Variants in PARD3B observed in about 807,000 individuals in gnomAD.
PARD3B encodes par-3 family cell polarity regulator beta, also known as partitioning defective 3 homolog B.
Under a neutral mutation model 130.2 loss-of-function variants are expected in PARD3B, and 103 were observed. That is an observed-to-expected ratio of 0.79 (90% CI 0.67 to 0.93). The LOEUF is 0.93. Among genes scored for constraint, PARD3B ranks in the 40% least tolerant of loss-of-function variants. The probability of loss-of-function intolerance (pLI) is 0.00; values close to 1 mark genes in which losing one functional copy is unlikely to be tolerated. For missense variants in PARD3B, 1,609 were observed against 1,499.2 expected (o/e 1.07, Z -1.21); for synonymous variants, 583 against 553.2 (o/e 1.05, Z -0.76).
intron 21 of PARD3B, among the ~76,000 whole-genome samples, chr2:205,551,712 A>G (rs1030218605): frequency 1.3e-5 from 2 of 152,080 alleles, no homozygotes; most frequent in Non-Finnish European, 2.9e-5. Flanking sequence ...CCCCATATAC[A>G]CAGTCTGCAC....
intron 1 of PARD3B, among the ~76,000 whole-genome samples, chr2:204,654,561 A>G (rs1056521071): frequency 2.0e-5 from 3 of 152,172 alleles, no homozygotes; most frequent in Admixed American, 6.5e-5. Flanking sequence ...TTCTCATGCC[A>G]TGAGTGATAG....
intron 15 of PARD3B, among the ~76,000 whole-genome samples, chr2:205,213,699 G>A (rs561951225): frequency 1.3e-5 from 2 of 152,152 alleles, no homozygotes; most frequent in South Asian, 2.1e-4. Context: ...CCAGAACATA[G>A]CACCATACGC....
At chr2:204,965,754 T>C (rs1164962756) in intron 3 of PARD3B, among the ~76,000 whole-genome samples, 2 of 152,226 alleles carry the variant, frequency 1.3e-5, no homozygotes, top group African/African-American at 4.8e-5. Context: ...GGGAAATGTT[T>C]TGAAGTTAGT....
chr2:204,714,582 A>G (rs970384032), intron 2 of PARD3B, among the ~76,000 whole-genome samples: 1 of 152,238 alleles, frequency 6.6e-6, no homozygotes, highest in Non-Finnish European at 1.5e-5. Flanking sequence ...ACAAAGAAAG[A>G]AGGAGGAACA....
chr2:205,366,982 A>G lies in PARD3B; in HGVS notation c.2631-34031A>G, dbSNP rs550872149. On this transcript the variant is annotated intron_variant, in intron 18 of 22. Coordinates refer to ENST00000406610, the MANE Select transcript of PARD3B (RefSeq NM_001302769.2). This position sits in a 1 kb window ranked among gnomAD's most constrained non-coding sequence, Gnocchi z 5.0. ...AAACCTGTGCTGAACAGCCCCCAAT[A>G]TCTTTGTCTACCAAGGAGTCTGAAC... is the stretch of plus-strand genomic sequence containing the variant. Among the ~76,000 whole-genome samples the G allele has an allele frequency of 6.6e-6, 1 of 152,304 alleles. No individual in the cohort carries two copies. The highest frequency in any genetic ancestry group is 1.5e-5 in the Non-Finnish European group (1 of 68,026).
rs776265674 is a variant in PARD3B at position 205,142,706 on chromosome 2, C to T, written c.1435-16016C>T. On this transcript the variant is annotated intron_variant, in intron 10 of 22. Transcript: ENST00000406610. The surrounding 1 kb of genome is among the most constrained non-coding windows in gnomAD (Gnocchi z 4.3). ...CAACCTGGTCAACATGGTGAAACCC[C>T]GTCTCTACTAAAAATACAAAAATTA... is the stretch of plus-strand genomic sequence containing the variant. 1.4e-4 allele frequency among the ~76,000 whole-genome samples: 21 copies of T among 151,790 alleles called. No individual in the cohort carries two copies. The highest frequency in any genetic ancestry group is 2.7e-4 in the African/African-American group (11 of 41,308).
intron 2 of PARD3B, among the ~76,000 whole-genome samples, chr2:204,827,482 C>A (rs1170164991): frequency 6.6e-6 from 1 of 152,068 alleles, no homozygotes; most frequent in Non-Finnish European, 1.5e-5. Context: ...GAGATCTGGC[C>A]TTCTCTTTTG....
At chr2:205,026,685 C>G (rs1481382756) in intron 3 of PARD3B, among the ~76,000 whole-genome samples, 1 of 152,156 alleles carries the variant, frequency 6.6e-6, no homozygotes, top group Non-Finnish European at 1.5e-5. Context: ...TCAACACTTC[C>G]TCCAACCCTT....
chr2:204,762,743 TTTTTTC>T (rs869084742), intron 2 of PARD3B, among the ~76,000 whole-genome samples: 1 of 138,248 alleles, frequency 7.2e-6, no homozygotes, highest in African/African-American at 2.5e-5. Flanking sequence ...TTCATCTTTC[TTTTTTC>T]TTTTTCTTTT....
In PARD3B at chr2:205,146,521, G is replaced by C. The variant is rs2033372676; in HGVS notation, c.1435-12201G>C. Among the ~76,000 whole-genome samples the C allele has an allele frequency of 6.6e-6, 1 of 151,692 alleles. No individual in the cohort carries two copies. The highest frequency in any genetic ancestry group is 1.5e-5 in the Non-Finnish European group (1 of 67,940). On this transcript the variant is annotated intron_variant, in intron 10 of 22. Coordinates refer to ENST00000406610, the MANE Select transcript of PARD3B (RefSeq NM_001302769.2). This position sits in a 1 kb window ranked among gnomAD's most constrained non-coding sequence, Gnocchi z 4.3. Reference sequence around the variant, plus strand: ...AAACATTTATCTGGGCGTGGTGGCGGGCGCCTGTAGTCCCAGCTACTCGGG... The same window carrying C: ...AAACATTTATCTGGGCGTGGTGGCGCGCGCCTGTAGTCCCAGCTACTCGGG...
chr2:204,591,662 G>T (rs900715411), intron 1 of PARD3B, among the ~76,000 whole-genome samples: 4 of 152,166 alleles, frequency 2.6e-5, no homozygotes, highest in African/African-American at 9.6e-5. Flanking sequence ...TAAGCAAATG[G>T]TATGTACAAG....
In PARD3B at chr2:205,410,892, C is replaced by T. The variant is rs191027079; in HGVS notation, c.2741+9769C>T. 5.4e-3 allele frequency among the ~76,000 whole-genome samples: 825 copies of T among 152,264 alleles called. 3 individuals are homozygous for T. Among genetic ancestry groups the T allele is most frequent in the Middle Eastern group, 0.01 (3 of 294 alleles). On this transcript the variant is annotated intron_variant, in intron 19 of 22. Coordinates refer to ENST00000406610, the MANE Select transcript of PARD3B (RefSeq NM_001302769.2). ...TATTGTCTTCTGGAATCTTCTCCCCCGTCACCACCCGGCCTCCACCCGCCC... is the reference window on the plus strand; with the variant it reads ...TATTGTCTTCTGGAATCTTCTCCCCTGTCACCACCCGGCCTCCACCCGCCC...
chr2:205,162,936 A>C lies in PARD3B; in HGVS notation c.1620+4029A>C, dbSNP rs185255836. 3.4e-3 allele frequency among the ~76,000 whole-genome samples: 523 copies of C among 152,250 alleles called. 5 individuals are homozygous for C. The highest frequency in any genetic ancestry group is 1.9e-3 in the Non-Finnish European group (128 of 68,006). On this transcript the variant is annotated intron_variant, in intron 11 of 22. Coordinates refer to ENST00000406610, the MANE Select transcript of PARD3B (RefSeq NM_001302769.2). ...TTTTTCTTTGCTTTGCTTTTCATGT[A>C]CCATATTAACTGAAAATTTTTAGTA...
intron 2 of PARD3B, among the ~76,000 whole-genome samples, chr2:204,803,312 G>T (rs2042644208): frequency 6.6e-6 from 1 of 151,714 alleles, no homozygotes; most frequent in South Asian, 2.1e-4. Context: ...GAAATTAAAA[G>T]ACATTAATAA....
At chr2:205,490,220 G>A (rs973855953) in intron 20 of PARD3B, among the ~76,000 whole-genome samples, 23 of 151,838 alleles carry the variant, frequency 1.5e-4, no homozygotes, top group South Asian at 1.0e-3. Flanking sequence ...CCGTTAACTC[G>A]TCATTTAACA....
intron 18 of PARD3B, among the ~76,000 whole-genome samples, chr2:205,383,578 T>C (rs889794433): frequency 2.0e-5 from 3 of 152,146 alleles, no homozygotes; most frequent in African/African-American, 7.2e-5. Context: ...TATATCTGTT[T>C]GGGTTCCCTC....
intron 1 of PARD3B, among the ~76,000 whole-genome samples, chr2:204,672,955 CTG>C (rs1385374869): frequency 1.3e-5 from 2 of 152,160 alleles, no homozygotes; most frequent in Non-Finnish European, 2.9e-5. Context: ...ATGTAAGAGT[CTG>C]TTGTCAAGAA....
intron 20 of PARD3B, among the ~76,000 whole-genome samples, chr2:205,450,627 C>T (rs2048067211): frequency 6.6e-6 from 1 of 151,862 alleles, no homozygotes; most frequent in South Asian, 2.1e-4. Flanking sequence ...GCGCCTGCCA[C>T]CACATCCGGC....
chr2:205,219,611 C>T (rs1456372759), intron 15 of PARD3B, among the ~76,000 whole-genome samples: 1 of 152,092 alleles, frequency 6.6e-6, no homozygotes, highest in African/African-American at 2.4e-5. Context: ...AGCAGCTATA[C>T]AATCCCCAGC....
Sources: gnomAD v4.1 joint callset for allele counts (sites outside exome capture counted in the v4.1 genomes callset) on GRCh38, gnomAD v4.1.1 for gene constraint, Gnocchi (gnomAD v3.1) non-coding constraint, MANE v1.5 for transcripts, NCBI Gene and HGNC (gene_info 2026-07-23, HGNC 2026-07-21) for gene names.